USH2A: variants seen among roughly 807,000 people sequenced by gnomAD.
USH2A encodes Usher syndrome 2A (autosomal recessive, mild).
Under a neutral mutation model 538.9 loss-of-function variants are expected in USH2A, and 443 were observed. That is an observed-to-expected ratio of 0.82 (90% confidence interval 0.76 to 0.89). USH2A has a LOEUF of 0.89. Ranked by LOEUF, USH2A falls within the 40% of genes least tolerant of loss-of-function variation. The probability of loss-of-function intolerance (pLI) is 0.00; values close to 1 mark genes in which losing one functional copy is unlikely to be tolerated. For missense variants in USH2A, 6,633 were observed against 6,324.8 expected (o/e 1.05, Z -1.65); for synonymous variants, 2,413 against 2,273.5 (o/e 1.06, Z -1.75).
intron 51 of USH2A, among the ~76,000 whole-genome samples, chr1:215,789,816 T>C (rs1314219208): frequency 1.3e-5 from 2 of 152,176 alleles, no homozygotes; most frequent in Non-Finnish European, 2.9e-5. Context: ...CTTTCAGTCC[T>C]GCACTAATCT....
chr1:216,266,224 A>G (rs188822948), intron 11 of USH2A, among the ~76,000 whole-genome samples: 1 of 152,204 alleles, frequency 6.6e-6, no homozygotes, highest in Admixed American at 6.5e-5. Context: ...AAAAGTTAAA[A>G]AAAAGGCTCA....
In USH2A at chr1:216,131,021, A is replaced by G. The variant is rs193241305; in HGVS notation, c.4628-33808T>C. On this transcript the variant is annotated intron_variant, in intron 21 of 71. Transcript: ENST00000307340. ...GCCATTCTTGCAGGAGTAAGGTGGT[A>G]CTGTGTCGTGGTTTTGATTTGCATT... Among the ~76,000 whole-genome samples the G allele has an allele frequency of 4.3e-4, 66 of 151,992 alleles. No homozygotes were observed. The Middle Eastern group carries it at 0.024, about 55-fold the overall frequency.
At chr1:215,897,783 GA>G (rs1200794717) in intron 40 of USH2A, among the ~76,000 whole-genome samples, 2 of 151,962 alleles carry the variant, frequency 1.3e-5, no homozygotes, top group Non-Finnish European at 2.9e-5. Context: ...GAAAGAGAGA[GA>G]GGGGAAAGAA....
In USH2A at chr1:216,048,648, C is replaced by T. The variant is rs1035024403; in HGVS notation, c.6050-1G>A. On this transcript the variant is annotated splice_acceptor_variant, in intron 30 of 71. Transcript: ENST00000307340. LOFTEE classifies it high-confidence loss of function. ...AAGGGTAGCAAGCCTGTCAATATGC[C>T]TATAATAAAAAGGGACAAAAGAGGG... is the stretch of plus-strand genomic sequence containing the variant. The T allele has an allele frequency of 2.5e-6, 4 of 1,613,184 alleles. No homozygotes were observed. The highest frequency in any genetic ancestry group is 1.3e-5 in the African/African-American group (1 of 74,758).
chr1:216,353,320 T>C (rs1457716537), intron 4 of USH2A, among the ~76,000 whole-genome samples: 1 of 151,976 alleles, frequency 6.6e-6, no homozygotes, highest in Non-Finnish European at 1.5e-5. Flanking sequence ...GCATGTGCTA[T>C]ACAAACTGAA....
At chr1:215,897,045 T>G (rs915235072) in intron 40 of USH2A, among the ~76,000 whole-genome samples, 1 of 152,116 alleles carries the variant, frequency 6.6e-6, no homozygotes, top group Non-Finnish European at 1.5e-5. Context: ...GGCACACTGG[T>G]GTAAATGACA....
Position 216,324,368 on chromosome 1 carries a change from T to A in USH2A, c.1144-16A>T, listed in dbSNP as rs919792106. On this transcript the variant is annotated splice_polypyrimidine_tract_variant and intron_variant, in intron 6 of 71. Transcript: ENST00000307340. ...TATAAAACACCTGAAAATGGAAAGT[T>A]AATTAATGTAATTAAAGTTTTAAGT... The A allele has an allele frequency of 4.4e-6, 7 of 1,588,374 alleles. No homozygotes were observed. The African/African-American group carries it at 9.4e-5, about 21-fold the overall frequency.
Position 216,321,952 on chromosome 1 carries a change from A to T in USH2A, c.1575T>A (p.Asp525Glu). ...SGRCQCHGHA[D>E]NCDTTSQPYR... ...ATGGCTGGCTTGTTGTGTCGCAGTT[A>T]TCGGCATGACCATGGCACTGACATC... Residue 525 changes from aspartate (D) to glutamate (E), a missense_variant, in exon 9 of 72, where the codon GAT becomes GAA. Coordinates refer to ENST00000307340, the MANE Select transcript of USH2A (RefSeq NM_206933.4). 1 of 1,613,894 alleles carries T rather than the reference A, an allele frequency of 6.2e-7. No homozygotes were observed. Among genetic ancestry groups the T allele is most frequent in the Non-Finnish European group, 8.5e-7 (1 of 1,179,862 alleles).
intron 55 of USH2A, among the ~76,000 whole-genome samples, chr1:215,773,798 T>G (rs981423441): frequency 1.3e-5 from 2 of 152,180 alleles, no homozygotes; most frequent in South Asian, 4.1e-4. Flanking sequence ...CTGGTGATCT[T>G]GACTGTGATG....
intron 38 of USH2A, among the ~76,000 whole-genome samples, chr1:215,929,315 C>T (rs891324372): frequency 5.9e-5 from 9 of 152,030 alleles, no homozygotes; most frequent in African/African-American, 1.4e-4. Context: ...TAAAAATCTT[C>T]GCAAATTATG....
At chr1:215,873,801 CA>C (rs35816736) in intron 43 of USH2A, among the ~76,000 whole-genome samples, 63,957 of 127,450 alleles carry the variant, frequency 0.5, 13,760 homozygotes, top group Admixed American at 0.59. Flanking sequence ...ATTGTCATTG[CA>C]AAAAAAAAAA....
intron 4 of USH2A, among the ~76,000 whole-genome samples, chr1:216,355,066 G>A (rs928650775): frequency 6.6e-6 from 1 of 152,038 alleles, no homozygotes; most frequent in African/African-American, 2.4e-5. Flanking sequence ...CCAGCACTTT[G>A]GGAGGCTGAG....
At chr1:216,013,253 A>T (rs1264664015) in intron 32 of USH2A, among the ~76,000 whole-genome samples, 15 of 148,884 alleles carry the variant, frequency 1.0e-4, no homozygotes, top group African/African-American at 3.0e-4. Context: ...TCTTCTAACA[A>T]CCCCACAATA....
chr1:216,047,261 G>C (rs2030562150), intron 31 of USH2A, among the ~76,000 whole-genome samples: 1 of 152,110 alleles, frequency 6.6e-6, no homozygotes, highest in Non-Finnish European at 1.5e-5. Context: ...GGATCTCTCT[G>C]GGGCTTAGCT....
intron 3 of USH2A, among the ~76,000 whole-genome samples, chr1:216,392,852 C>T (rs1414677375): frequency 2.0e-5 from 3 of 151,992 alleles, no homozygotes; most frequent in Non-Finnish European, 2.9e-5. Context: ...GATTCAAAAC[C>T]TTTTACGATT....
At chr1:215,636,415 C>T (rs970124595) in intron 69 of USH2A, among the ~76,000 whole-genome samples, 2 of 152,344 alleles carry the variant, frequency 1.3e-5, no homozygotes, top group Admixed American at 1.3e-4. Context: ...CTTTGCTTCT[C>T]ATCTCTAAAA....
intron 49 of USH2A, 119 bp from the exon 50 acceptor site, chr1:215,799,244 G>C: frequency 8.2e-7 from 1 of 1,216,722 alleles, no homozygotes; most frequent in Non-Finnish European, 1.2e-6. Flanking sequence ...TTACTAAAGA[G>C]AATAATATCA....
chr1:215,766,752 G>C lies in USH2A; in HGVS notation c.10976C>G (p.Thr3659Arg), dbSNP rs1302921772. 6.2e-7 allele frequency: 1 copy of C among 1,613,630 alleles called. No homozygotes were observed. Among genetic ancestry groups the C allele is most frequent in the Non-Finnish European group, 8.5e-7 (1 of 1,179,622 alleles). ...AGTGCACCCAGCAGATGTACAAGCTGTAAGAGTGAAGCTGTAGTTGGTGTA... is the reference window on the plus strand; with the variant it reads ...AGTGCACCCAGCAGATGTACAAGCTCTAAGAGTGAAGCTGTAGTTGGTGTA... ...QPYTNYSFTL[T>R]ACTSAGCTSS... The change falls in exon 56 of 72, where the codon ACA (threonine) becomes AGA (arginine). Residue 3659 changes from threonine (T) to arginine (R), a missense_variant. Transcript: ENST00000307340.
chr1:216,085,934 A>C (rs1287605430), intron 24 of USH2A, among the ~76,000 whole-genome samples: 1 of 152,104 alleles, frequency 6.6e-6, no homozygotes, highest in Non-Finnish European at 1.5e-5. Context: ...GCAACCCATG[A>C]ACAAATTATA....
Sources: allele counts gnomAD v4.1 joint callset (sites outside exome capture counted in the v4.1 genomes callset), GRCh38; gene constraint gnomAD v4.1.1; transcripts MANE v1.5; gene names NCBI Gene and HGNC (gene_info 2026-07-23, HGNC 2026-07-21).